DLGAP2: variants seen among roughly 807,000 people sequenced by gnomAD.
The protein encoded by DLGAP2 is disks large-associated protein 2.
A neutral mutation model predicts 100.3 loss-of-function variants in DLGAP2; 26 were observed. The observed-to-expected ratio is 0.26, with a 90% CI of 0.19 to 0.36. The LOEUF (loss-of-function observed/expected upper bound fraction) is 0.36. Ranked by LOEUF, DLGAP2 falls within the 10% of genes least tolerant of loss-of-function variation. The probability of loss-of-function intolerance (pLI) is 1.00; values close to 1 mark genes in which losing one functional copy is unlikely to be tolerated. For synonymous variants in DLGAP2, 886 were observed against 630.1 expected (o/e 1.41, Z -6.08); for missense variants, 1,858 against 1,453.2 (o/e 1.28, Z -4.53).
intron 3 of DLGAP2, among the ~76,000 whole-genome samples, chr8:1,459,832 C>T (rs369543456): frequency 2.5e-4 from 38 of 151,996 alleles, no homozygotes; most frequent in East Asian, 2.1e-3. Context: ...ATTGCAGGTG[C>T]GCACCACCAC....
chr8:1,414,719 A>G (rs1474035671), intron 3 of DLGAP2, among the ~76,000 whole-genome samples: 1 of 152,154 alleles, frequency 6.6e-6, no homozygotes, highest in Non-Finnish European at 1.5e-5. Flanking sequence ...TTAAATAATC[A>G]GGTGTCTGGC....
At position 866,254 on chromosome 8, in the gene DLGAP2, C is replaced by T. The variant is rs1254457923; in HGVS notation, c.19-41658C>T. On this transcript the variant is annotated intron_variant, in intron 1 of 14. Coordinates refer to ENST00000637795, the MANE Select transcript of DLGAP2 (RefSeq NM_001346810.2). The stretch of plus-strand genomic sequence containing the variant: ...CTGTCCAGATCTTCCGGGGCCGTGC[C>T]GGTATCTCTCATGGACTCTCTTCTA... Among the ~76,000 whole-genome samples the T allele has an allele frequency of 3.3e-5, 5 of 152,292 alleles. No homozygotes were observed. In the South Asian group the frequency reaches 8.3e-4, roughly 25 times the overall value.
chr8:1,253,570 A>G (rs1352269527), intron 2 of DLGAP2, among the ~76,000 whole-genome samples: 1 of 152,188 alleles, frequency 6.6e-6, no homozygotes, highest in Admixed American at 6.5e-5. Flanking sequence ...AAAATAAGGC[A>G]CCTTGTGCCA....
intron 1 of DLGAP2, among the ~76,000 whole-genome samples, chr8:775,195 AT>A (rs1821481632): frequency 6.6e-6 from 1 of 151,032 alleles, no homozygotes; most frequent in Non-Finnish European, 1.5e-5. Context: ...TTGTACATTG[AT>A]TTTGTATCCT....
chr8:1,038,784 T>C (rs1306443951), intron 2 of DLGAP2, among the ~76,000 whole-genome samples: 2 of 152,242 alleles, frequency 1.3e-5, no homozygotes, highest in African/African-American at 4.8e-5. Flanking sequence ...TATGTATGTA[T>C]GTATAACTAC....
At chr8:753,221 C>T (rs566803226) in intron 1 of DLGAP2, among the ~76,000 whole-genome samples, 15 of 152,208 alleles carry the variant, frequency 9.9e-5, no homozygotes, top group South Asian at 4.1e-4. Flanking sequence ...AGGAGGGGCC[C>T]GGTATTTATG....
intron 2 of DLGAP2, among the ~76,000 whole-genome samples, chr8:1,175,179 A>G (rs1031691029): frequency 1.3e-5 from 2 of 152,090 alleles, no homozygotes; most frequent in Non-Finnish European, 2.9e-5. Flanking sequence ...CATTTCTGCT[A>G]TGGCCATAAA....
intron 6 of DLGAP2, among the ~76,000 whole-genome samples, chr8:1,586,492 C>T (rs1005965312): frequency 3.3e-5 from 5 of 152,214 alleles, no homozygotes; most frequent in African/African-American, 9.7e-5. Context: ...AATGCTCCTG[C>T]GCTGAGAGGG....
chr8:1,010,671 G>C (rs1307664820), intron 2 of DLGAP2, among the ~76,000 whole-genome samples: 2 of 152,244 alleles, frequency 1.3e-5, no homozygotes, highest in Non-Finnish European at 2.9e-5. Flanking sequence ...CTAGCCACCT[G>C]AGTGGTGTCA....
chr8:942,378 A>G (rs1400289621), intron 2 of DLGAP2, among the ~76,000 whole-genome samples: 1 of 152,204 alleles, frequency 6.6e-6, no homozygotes, highest in Non-Finnish European at 1.5e-5. Context: ...CTCACCTTAG[A>G]AATGTTGGGG....
At chr8:1,114,000 G>A (rs1805039848) in intron 2 of DLGAP2, among the ~76,000 whole-genome samples, 1 of 152,116 alleles carries the variant, frequency 6.6e-6, no homozygotes, top group Non-Finnish European at 1.5e-5. Context: ...GAATCACATT[G>A]ATTGATTTGT....
At chr8:1,203,511 A>G (rs368808701) in intron 2 of DLGAP2, among the ~76,000 whole-genome samples, 10 of 152,272 alleles carry the variant, frequency 6.6e-5, no homozygotes, top group African/African-American at 2.4e-4. Flanking sequence ...CTGAGTAGGG[A>G]TACCCTTCTC....
At chr8:1,347,286 G>A (rs978662664) in intron 3 of DLGAP2, among the ~76,000 whole-genome samples, 9 of 150,632 alleles carry the variant, frequency 6.0e-5, no homozygotes, top group South Asian at 4.2e-4. Flanking sequence ...CTGCACTCAC[G>A]GTAGCTGTGT....
intron 6 of DLGAP2, among the ~76,000 whole-genome samples, chr8:1,592,940 C>T (rs1376806116): frequency 6.6e-6 from 1 of 152,136 alleles, no homozygotes; most frequent in African/African-American, 2.4e-5. Flanking sequence ...TCTAAAATCA[C>T]AGCAGGATGA....
chr8:1,037,914 C>A (rs1331494035), intron 2 of DLGAP2, among the ~76,000 whole-genome samples: 1 of 152,212 alleles, frequency 6.6e-6, no homozygotes, highest in South Asian at 2.1e-4. Flanking sequence ...AGAATTTGTG[C>A]TTCTGAGGCC....
At chr8:1,290,418 A>G (rs746669050) in intron 3 of DLGAP2, among the ~76,000 whole-genome samples, 18 of 152,160 alleles carry the variant, frequency 1.2e-4, no homozygotes, top group Non-Finnish European at 2.2e-4. Context: ...GCACACCTGC[A>G]CTCCTGCCAT....
chr8:989,983 C>G (rs561024728), intron 2 of DLGAP2, among the ~76,000 whole-genome samples: 1 of 152,050 alleles, frequency 6.6e-6, no homozygotes, highest in African/African-American at 2.4e-5. Context: ...GAACGTATTC[C>G]TCAGAAAGCC....
intron 2 of DLGAP2, among the ~76,000 whole-genome samples, chr8:943,711 C>T (rs1304398632): frequency 2.0e-5 from 3 of 151,934 alleles, no homozygotes; most frequent in Non-Finnish European, 2.9e-5. Context: ...ATGTAGACGT[C>T]GTGATGTGGC....
rs111540240 is a variant in DLGAP2, at chr8:1,379,762, G to T, written c.106+120879G>T. 1,250 of 152,586 alleles carry T rather than the reference G, an allele frequency of 8.2e-3. 5 individuals are homozygous for T. The highest frequency in any genetic ancestry group is 0.013 in the Non-Finnish European group (903 of 68,270). The allele number at this position is 152,586 out of a possible 1,614,324, so 9.5% of individuals were successfully genotyped here. A position where few individuals can be genotyped will look rare whatever the true frequency, so the allele number is the denominator to read the frequency against. ...CCGTGCCTGGGAGAAGGGAGGTTGT[G>T]CAGGGGCTGACAGAGAGTGGCCAAC... On this transcript the variant is annotated intron_variant, in intron 3 of 14. Coordinates refer to ENST00000637795, the MANE Select transcript of DLGAP2 (RefSeq NM_001346810.2).
Sources: allele counts gnomAD v4.1 joint callset (sites outside exome capture counted in the v4.1 genomes callset), GRCh38; gene constraint gnomAD v4.1.1; transcripts MANE v1.5; gene names NCBI Gene and HGNC (gene_info 2026-07-23, HGNC 2026-07-21).